The following RPS6KB1 variants were observed in gnomAD, a reference collection of about 807,000 sequenced individuals.
RPS6KB1 encodes the protein ribosomal protein S6 kinase beta-1.
A neutral mutation model predicts 70.2 loss-of-function variants in RPS6KB1; 12 were observed. That is an observed-to-expected ratio of 0.17 (90% CI 0.11 to 0.28). RPS6KB1 has a LOEUF of 0.28. Among genes scored for constraint, RPS6KB1 ranks in the 10% least tolerant of loss-of-function variants. The probability of loss-of-function intolerance (pLI) is 1.00; values close to 1 mark genes in which losing one functional copy is unlikely to be tolerated. For synonymous variants in RPS6KB1, 175 were observed against 211.2 expected (o/e 0.83, Z 1.49); for missense variants, 270 against 646.6 (o/e 0.42, Z 6.32).
intron 4 of RPS6KB1, among the ~76,000 whole-genome samples, chr17:59,916,510 T>C (rs575754948): frequency 6.6e-6 from 1 of 152,372 alleles, no homozygotes. Context: ...TATTGTCCTC[T>C]GATGTCTTCC....
At chr17:59,914,830 CA>C in intron 4 of RPS6KB1, 127 bp downstream of exon 4, 10 of 743,758 alleles carry the variant, frequency 1.3e-5, no homozygotes, top group African/African-American at 3.6e-5. Context: ...AATTTGCAGT[CA>C]AAAAAATGTA....
At chr17:59,899,406 T>A (rs1403033339) in intron 1 of RPS6KB1, among the ~76,000 whole-genome samples, 1 of 152,126 alleles carries the variant, frequency 6.6e-6, no homozygotes, top group East Asian at 1.9e-4. Flanking sequence ...GCATTATAGG[T>A]CTGGCCAGCT....
intron 12 of RPS6KB1, among the ~76,000 whole-genome samples, chr17:59,937,864 G>T (rs1420297749): frequency 6.6e-6 from 1 of 152,184 alleles, no homozygotes; most frequent in African/African-American, 2.4e-5. Flanking sequence ...ATCAGTTAGT[G>T]TGTTAGTTAT....
intron 12 of RPS6KB1, among the ~76,000 whole-genome samples, chr17:59,939,984 A>G (rs1438208908): frequency 6.6e-6 from 1 of 152,224 alleles, no homozygotes; most frequent in African/African-American, 2.4e-5. Context: ...TTTCACAAGG[A>G]AATATAACTT....
intron 1 of RPS6KB1, among the ~76,000 whole-genome samples, chr17:59,904,954 C>T (rs2042180174): frequency 6.6e-6 from 1 of 152,118 alleles, no homozygotes; most frequent in Non-Finnish European, 1.5e-5. Flanking sequence ...CTCAGCCTCA[C>T]AAAGTGCTGG....
At chr17:59,915,780 T>TTTTTA in intron 4 of RPS6KB1, among the ~76,000 whole-genome samples, 1 of 117,760 alleles carries the variant, frequency 8.5e-6, no homozygotes, top group Non-Finnish European at 1.8e-5. Flanking sequence ...GCTATCTTTT[T>TTTTTA]TTTTTTTTTT....
chr17:59,947,447 A>G lies in RPS6KB1; in HGVS notation c.*659A>G, dbSNP rs1461311322. The G allele has an allele frequency of 2.1e-5, 28 of 1,303,182 alleles. No individual in the cohort carries two copies. The highest frequency in any genetic ancestry group is 2.7e-5 in the Non-Finnish European group (28 of 1,018,444). 80.7% of individuals were successfully genotyped at this position (1,303,182 alleles called of 1,614,324 possible). ...CTCTTGGTGAAATAATAAAATGCAA[A>G]TGAATCATTGTTAACCACAGCTGTG... On this transcript the variant is annotated 3_prime_UTR_variant, in exon 15 of 15. Coordinates refer to ENST00000225577, the MANE Select transcript of RPS6KB1 (RefSeq NM_003161.4).
At chr17:59,918,479 C>G (rs941902055) in intron 4 of RPS6KB1, among the ~76,000 whole-genome samples, 2 of 151,878 alleles carry the variant, frequency 1.3e-5, no homozygotes, top group Non-Finnish European at 2.9e-5. Flanking sequence ...AAGCGATTCT[C>G]CTGCCTCAGC....
intron 7 of RPS6KB1, among the ~76,000 whole-genome samples, chr17:59,932,169 C>T (rs1165125539): frequency 6.6e-6 from 1 of 151,646 alleles, no homozygotes; most frequent in South Asian, 2.1e-4. Context: ...CTTTGGGAGG[C>T]TAAGGTGGGT....
At chr17:59,928,793 C>G (rs1439755648) in intron 5 of RPS6KB1, among the ~76,000 whole-genome samples, 2 of 152,148 alleles carry the variant, frequency 1.3e-5, no homozygotes, top group Non-Finnish European at 2.9e-5. Flanking sequence ...CTTTCTTTGA[C>G]TTTCATAATG....
Position 59,950,347 on chromosome 17 carries a change from G to C in RPS6KB1, c.*3559G>C, listed in dbSNP as rs2045144564. On this transcript the variant is annotated 3_prime_UTR_variant, in exon 15 of 15. Coordinates refer to ENST00000225577, the MANE Select transcript of RPS6KB1 (RefSeq NM_003161.4). ...TAACACCTGTTCTGCTTTTCATCTTGTATTTAGTTGACTGTATTATTTGAT... is the reference window on the plus strand; with the variant it reads ...TAACACCTGTTCTGCTTTTCATCTTCTATTTAGTTGACTGTATTATTTGAT... 1 of 152,476 alleles carries C rather than the reference G, an allele frequency of 6.6e-6. No homozygotes were observed. The highest frequency in any genetic ancestry group is 1.5e-5 in the Non-Finnish European group (1 of 67,948). 9.4% of individuals were successfully genotyped at this position (152,476 alleles called of 1,614,324 possible). A position where few individuals can be genotyped will look rare whatever the true frequency, so the allele number is the denominator to read the frequency against.
chr17:59,893,542 G>A lies in RPS6KB1; in HGVS notation c.141+217G>A, dbSNP rs1020871445. 6.6e-6 allele frequency among the ~76,000 whole-genome samples: 1 copy of A among 152,210 alleles called. No individual in the cohort carries two copies. Among genetic ancestry groups the A allele is most frequent in the African/African-American group, 2.4e-5 (1 of 41,466 alleles). ...GTGCAGGTCGCACCCTTAGCCCCAG[G>A]TCAGCGCAGCCCCGAGCGATCTGAA... On this transcript the variant is annotated intron_variant, in intron 1 of 14. Transcript: ENST00000225577. The surrounding 1 kb of genome is among the most constrained non-coding windows in gnomAD (Gnocchi z 4.1).
chr17:59,933,656 C>T (rs2044073727), intron 7 of RPS6KB1, among the ~76,000 whole-genome samples: 1 of 152,088 alleles, frequency 6.6e-6, no homozygotes, highest in African/African-American at 2.4e-5. Context: ...TTCTTTCTTT[C>T]CCCTAATTGG....
intron 4 of RPS6KB1, among the ~76,000 whole-genome samples, chr17:59,915,610 C>T (rs1376728166): frequency 5.3e-5 from 8 of 150,640 alleles, no homozygotes; most frequent in Admixed American, 4.0e-4. Flanking sequence ...GGATTACAGG[C>T]GCCTACCACC....
chr17:59,903,317 G>GA (rs113576583), intron 1 of RPS6KB1, among the ~76,000 whole-genome samples: 3,198 of 142,100 alleles, frequency 0.023, 119 homozygotes, highest in African/African-American at 0.078. Context: ...AAAAAAAAAA[G>GA]AAAAAAAAAG....
In RPS6KB1 at chr17:59,935,447, T is replaced by G. The variant is rs2044171740; in HGVS notation, c.978+147T>G. 3 of 513,674 alleles carry G rather than the reference T, an allele frequency of 5.8e-6. No individual in the cohort carries two copies. The South Asian group carries it at 9.6e-5, about 16-fold the overall frequency. The allele number at this position is 513,674 out of a possible 1,614,324, so 31.8% of individuals were successfully genotyped here. A position where few individuals can be genotyped will look rare whatever the true frequency, so the allele number is the denominator to read the frequency against. On this transcript the variant is annotated intron_variant, in intron 10 of 14. Transcript: ENST00000225577. ...TTTTTGAAGGCGAAGTACAGATTTG[T>G]TTAAAGACTTTCTTTTCATATTCTT...
Position 59,935,307 on chromosome 17 carries a change from T to C in RPS6KB1, c.978+7T>C. ...CAGAGATCTGCTTAAAAAGGTAAGGTTCTTAAATGGTCACTGACACTACAA... is the reference window on the plus strand; with the variant it reads ...CAGAGATCTGCTTAAAAAGGTAAGGCTCTTAAATGGTCACTGACACTACAA... On this transcript the variant is annotated splice_region_variant and intron_variant, in intron 10 of 14. Transcript: ENST00000225577. 1 of 1,477,092 alleles carries C rather than the reference T, an allele frequency of 6.8e-7. No individual in the cohort carries two copies. The highest frequency in any genetic ancestry group is 9.5e-7 in the Non-Finnish European group (1 of 1,056,416). The allele number at this position is 1,477,092 out of a possible 1,614,324, so 91.5% of individuals were successfully genotyped here. A position where few individuals can be genotyped will look rare whatever the true frequency, so the allele number is the denominator to read the frequency against.
intron 5 of RPS6KB1, among the ~76,000 whole-genome samples, chr17:59,929,615 A>G (rs573526670): frequency 6.6e-6 from 1 of 152,330 alleles, no homozygotes; most frequent in Admixed American, 6.5e-5. Flanking sequence ...ATGTGATATA[A>G]CCTTTTATTA....
chr17:59,897,964 C>CAA (rs1469872753), intron 1 of RPS6KB1, among the ~76,000 whole-genome samples: 9 of 76,298 alleles, frequency 1.2e-4, no homozygotes, highest in African/African-American at 2.6e-4. Flanking sequence ...GATTCCGTCT[C>CAA]AAAAAAAAAA....
Sources: gnomAD v4.1 joint callset for allele counts (sites outside exome capture counted in the v4.1 genomes callset) on GRCh38, gnomAD v4.1.1 for gene constraint, Gnocchi (gnomAD v3.1) non-coding constraint, MANE v1.5 for transcripts, NCBI Gene and HGNC (gene_info 2026-07-23, HGNC 2026-07-21) for gene names.